The following CNTN4 variants were observed in gnomAD, a reference collection of about 807,000 sequenced individuals.
CNTN4 encodes contactin 4, also known as contactin-4.
A neutral mutation model predicts 122.5 loss-of-function variants in CNTN4; 77 were observed. The ratio of observed to expected loss-of-function variants is 0.63; its 90% CI spans 0.52 to 0.76. CNTN4 has a LOEUF of 0.76. Ranked by LOEUF, CNTN4 falls within the 30% of genes least tolerant of loss-of-function variation. The pLI is 0.00. For synonymous variants in CNTN4, 512 were observed against 447.0 expected (o/e 1.15, Z -1.83); for missense variants, 1,256 against 1,259.1 (o/e 1.00, Z 0.04).
At chr3:2,569,306 TTAAC>T (rs2079317190) in intron 3 of CNTN4, among the ~76,000 whole-genome samples, 1 of 152,224 alleles carries the variant, frequency 6.6e-6, no homozygotes, top group African/African-American at 2.4e-5. Context: ...ATGGTGTAAA[TTAAC>T]GCTAAGAGCC....
chr3:2,343,171 G>T (rs1201090382), intron 3 of CNTN4, among the ~76,000 whole-genome samples: 2 of 152,126 alleles, frequency 1.3e-5, no homozygotes, highest in African/African-American at 4.8e-5. Flanking sequence ...TGGAGGCAGG[G>T]TAAACCTAAG....
intron 14 of CNTN4, among the ~76,000 whole-genome samples, chr3:3,007,733 T>G (rs1479384473): frequency 6.6e-6 from 1 of 152,112 alleles, no homozygotes; most frequent in East Asian, 1.9e-4. Flanking sequence ...ACCCATAGAT[T>G]GGTATGGGAG....
chr3:2,345,240 G>T (rs949934235), intron 3 of CNTN4, among the ~76,000 whole-genome samples: 7 of 152,058 alleles, frequency 4.6e-5, no homozygotes, highest in Admixed American at 4.6e-4. Flanking sequence ...TGATTCAATT[G>T]TCTATCATTT....
intron 13 of CNTN4, among the ~76,000 whole-genome samples, chr3:2,983,646 A>AT (rs1694269894): frequency 6.6e-6 from 1 of 152,274 alleles, no homozygotes; most frequent in East Asian, 1.9e-4. Context: ...TTATTATCCC[A>AT]TTTTTACAAA....
chr3:2,979,466 T>C (rs149734170), intron 13 of CNTN4, among the ~76,000 whole-genome samples: 1 of 152,350 alleles, frequency 6.6e-6, no homozygotes, highest in African/African-American at 2.4e-5. Context: ...TTTGGGATTC[T>C]GTAATAAATT....
At chr3:2,425,950 G>A (rs1353052190) in intron 3 of CNTN4, among the ~76,000 whole-genome samples, 2 of 152,168 alleles carry the variant, frequency 1.3e-5, no homozygotes, top group Admixed American at 6.5e-5. Flanking sequence ...TTGCTTATCA[G>A]CTTAGGGAGA....
chr3:2,836,668 C>CA (rs1272175408), intron 7 of CNTN4, among the ~76,000 whole-genome samples: 1 of 150,766 alleles, frequency 6.6e-6, no homozygotes, highest in East Asian at 2.0e-4. Flanking sequence ...CAAAATAAGC[C>CA]AAAATAAGTA....
chr3:2,372,834 G>A (rs2150677758), intron 3 of CNTN4, among the ~76,000 whole-genome samples: 1 of 152,142 alleles, frequency 6.6e-6, no homozygotes. Context: ...GCGGATCACT[G>A]GAGGCCAGTT....
intron 14 of CNTN4, among the ~76,000 whole-genome samples, chr3:3,016,395 A>G (rs1004640009): frequency 4.6e-5 from 7 of 152,188 alleles, no homozygotes; most frequent in Non-Finnish European, 7.3e-5. Context: ...GCACCTGCAG[A>G]AAATTCTTTG....
At position 2,707,588 on chromosome 3, in the gene CNTN4, A is replaced by C. The variant is rs145373423; in HGVS notation, c.56-28627A>C. ...GCAGTGGCAGGGAAGAGAAGTTAGCAGTTTTTGTTATTTTAACTTAATTAA... is the reference window on the plus strand; with the variant it reads ...GCAGTGGCAGGGAAGAGAAGTTAGCCGTTTTTGTTATTTTAACTTAATTAA... On this transcript the variant is annotated intron_variant, in intron 4 of 24. Transcript: ENST00000418658. 4.5e-3 allele frequency among the ~76,000 whole-genome samples: 681 copies of C among 152,226 alleles called. 5 individuals carry two copies. The highest frequency in any genetic ancestry group is 0.016 in the African/African-American group (656 of 41,536).
At chr3:2,169,222 C>T (rs939069110) in intron 2 of CNTN4, among the ~76,000 whole-genome samples, 3 of 152,042 alleles carry the variant, frequency 2.0e-5, no homozygotes, top group Non-Finnish European at 4.4e-5. Flanking sequence ...ATGATATACA[C>T]TTACCAAGTA....
At chr3:2,198,798 TC>T (rs2037963460) in intron 2 of CNTN4, among the ~76,000 whole-genome samples, 1 of 152,206 alleles carries the variant, frequency 6.6e-6, no homozygotes, top group Admixed American at 6.6e-5. Context: ...TATCATTTAG[TC>T]ATTATTGTCA....
chr3:2,628,563 T>C (rs1441190783), intron 4 of CNTN4, among the ~76,000 whole-genome samples: 2 of 152,342 alleles, frequency 1.3e-5, no homozygotes, highest in East Asian at 1.9e-4. Flanking sequence ...ATTTCTCTGA[T>C]TGCCATCAGT....
intron 2 of CNTN4, among the ~76,000 whole-genome samples, chr3:2,300,062 A>T (rs1419401472): frequency 1.3e-5 from 2 of 152,310 alleles, no homozygotes; most frequent in East Asian, 3.9e-4. Flanking sequence ...GATGAAGATA[A>T]TGAAGTGATT....
chr3:2,722,326 A>C (rs754802069), intron 4 of CNTN4, among the ~76,000 whole-genome samples: 1 of 152,204 alleles, frequency 6.6e-6, no homozygotes, highest in Non-Finnish European at 1.5e-5. Context: ...AGTCTAGTAC[A>C]TAGTGGGTAC....
intron 6 of CNTN4, among the ~76,000 whole-genome samples, chr3:2,813,631 A>T (rs57465685): frequency 6.6e-6 from 1 of 151,950 alleles, no homozygotes; most frequent in Non-Finnish European, 1.5e-5. Context: ...CTTCCTGTCC[A>T]TATGTGTAAT....
chr3:2,561,772 G>A (rs2078966654), intron 3 of CNTN4, among the ~76,000 whole-genome samples: 1 of 152,188 alleles, frequency 6.6e-6, no homozygotes, highest in South Asian at 2.1e-4. Context: ...CCTGGCTTGT[G>A]TGATTCTAAA....
intron 3 of CNTN4, among the ~76,000 whole-genome samples, chr3:2,458,722 G>T (rs2049091861): frequency 6.6e-6 from 1 of 152,006 alleles, no homozygotes; most frequent in African/African-American, 2.4e-5. Context: ...TTTTAAGGTT[G>T]TTTTATATAA....
intron 4 of CNTN4, among the ~76,000 whole-genome samples, chr3:2,668,344 C>G (rs1180265534): frequency 6.6e-6 from 1 of 152,162 alleles, no homozygotes; most frequent in Admixed American, 6.5e-5. Context: ...ATTTTATTCT[C>G]TTTGAAGCAA....
Sources: gnomAD v4.1 joint callset for allele counts (sites outside exome capture counted in the v4.1 genomes callset) on GRCh38, gnomAD v4.1.1 for gene constraint, MANE v1.5 for transcripts, NCBI Gene and HGNC (gene_info 2026-07-23, HGNC 2026-07-21) for gene names.